PROK2: variants seen among roughly 807,000 people sequenced by gnomAD.
The protein encoded by PROK2 is prokineticin-2.
PROK2 carries 8 observed loss-of-function variants against 14.2 expected under a neutral mutation model. The observed-to-expected ratio is 0.56, with a 90% CI of 0.33 to 1.02. The LOEUF (loss-of-function observed/expected upper bound fraction) is 1.02, where lower values mean the gene tolerates loss of function less well. Ranked by LOEUF, PROK2 falls within the 50% of genes least tolerant of loss-of-function variation. The pLI is 0.03. For missense variants in PROK2, 154 were observed against 160.4 expected (o/e 0.96, Z 0.22); for synonymous variants, 59 against 60.7 (o/e 0.97, Z 0.13).
intron 2 of PROK2, among the ~76,000 whole-genome samples, chr3:71,778,602 A>T (rs2050138768): frequency 6.6e-6 from 1 of 152,220 alleles, no homozygotes; most frequent in Non-Finnish European, 1.5e-5. Flanking sequence ...TATAGGGTCT[A>T]CATTTTTACT....
chr3:71,783,256 T>C (rs1190854960), intron 1 of PROK2, among the ~76,000 whole-genome samples: 1 of 152,304 alleles, frequency 6.6e-6, no homozygotes, highest in South Asian at 2.1e-4. Flanking sequence ...CTATACACAA[T>C]GTATCTTGAT....
intron 2 of PROK2, among the ~76,000 whole-genome samples, chr3:71,775,937 A>G (rs2050114291): frequency 6.6e-6 from 1 of 152,138 alleles, no homozygotes; most frequent in Admixed American, 6.5e-5. Flanking sequence ...CTCAGATCCC[A>G]AGGCTCCCCT....
rs1441011272 is a variant in PROK2, at chr3:71,781,509, A to G, written c.180T>C (p.Pro60=). The part of the protein sequence containing the change: ...IWVKSIRICT[P]MGKLGDSCHP... ...GGCAGCTGTCTCCCAGTTTGCCCATAGGTGTGCAAATCCTTATGCTCTTGA... is the reference window on the plus strand; with the variant it reads ...GGCAGCTGTCTCCCAGTTTGCCCATGGGTGTGCAAATCCTTATGCTCTTGA... Residue 60 remains proline, a synonymous_variant, in exon 2 of 4, where the codon CCT becomes CCC. Transcript: ENST00000295619. The G allele has an allele frequency of 1.1e-5, 17 of 1,613,764 alleles. No homozygotes were observed. Among genetic ancestry groups the G allele is most frequent in the Non-Finnish European group, 1.4e-5 (17 of 1,179,752 alleles).
rs147852928 is a variant in PROK2, at chr3:71,783,668, G to A, written c.96+1289C>T. ...AGGGATCTTGGGCTCAGAGGATTAG[G>A]AGAAACTTTAAATGAGCCAGCAGGA... On this transcript the variant is annotated intron_variant, in intron 1 of 3. Transcript: ENST00000295619. 7.2e-3 allele frequency among the ~76,000 whole-genome samples: 1,103 copies of A among 152,238 alleles called. 7 individuals carry two copies. The highest frequency in any genetic ancestry group is 0.013 in the African/African-American group (550 of 41,532).
At chr3:71,777,978 G>A (rs563591083) in intron 2 of PROK2, among the ~76,000 whole-genome samples, 43 of 152,074 alleles carry the variant, frequency 2.8e-4, no homozygotes, top group African/African-American at 9.9e-4. Flanking sequence ...GGCAGATCAC[G>A]AGGTCAGGAG....
intron 3 of PROK2, among the ~76,000 whole-genome samples, chr3:71,774,110 A>T (rs1055913005): frequency 2.1e-4 from 32 of 152,184 alleles, no homozygotes; most frequent in African/African-American, 7.7e-4. Flanking sequence ...ATGGCAGAGG[A>T]TGTGTTCTTC....
intron 2 of PROK2, among the ~76,000 whole-genome samples, chr3:71,777,846 GT>G (rs2050131283): frequency 6.8e-6 from 1 of 147,366 alleles, no homozygotes; most frequent in Admixed American, 7.0e-5. Context: ...TTGTTGTTTT[GT>G]CTTTTTTTTT....
At chr3:71,783,525 A>G (rs1376684605) in intron 1 of PROK2, among the ~76,000 whole-genome samples, 2 of 152,226 alleles carry the variant, frequency 1.3e-5, no homozygotes, top group Non-Finnish European at 2.9e-5. Context: ...AGAGTTGCAT[A>G]GGTTTATATA....
At chr3:71,776,144 C>A (rs916764284) in intron 2 of PROK2, among the ~76,000 whole-genome samples, 1 of 152,064 alleles carries the variant, frequency 6.6e-6, no homozygotes, top group African/African-American at 2.4e-5. Context: ...TGTATTATTT[C>A]TTTAAATCAA....
intron 3 of PROK2, among the ~76,000 whole-genome samples, chr3:71,774,005 G>C (rs1270658528): frequency 6.6e-6 from 1 of 152,198 alleles, no homozygotes; most frequent in Non-Finnish European, 1.5e-5. Context: ...TGGAGCGTCT[G>C]TGAAATCAGA....
intron 2 of PROK2, among the ~76,000 whole-genome samples, chr3:71,779,138 G>A (rs953002891): frequency 3.9e-5 from 6 of 152,262 alleles, no homozygotes; most frequent in South Asian, 2.1e-4. Context: ...CAAAACTATC[G>A]GACGACACAA....
At chr3:71,778,027 C>G (rs1291990481) in intron 2 of PROK2, among the ~76,000 whole-genome samples, 1 of 151,926 alleles carries the variant, frequency 6.6e-6, no homozygotes, top group Non-Finnish European at 1.5e-5. Context: ...AACCCCGTCT[C>G]TACGAAAAAT....
At chr3:71,772,971 T>C in intron 3 of PROK2, 143 bp from the exon 4 acceptor site, 1 of 706,538 alleles carries the variant, frequency 1.4e-6, no homozygotes, top group African/African-American at 1.8e-5. Context: ...CTCAGTACTT[T>C]TTATTTATTT....
At chr3:71,780,433 A>G (rs575280683) in intron 2 of PROK2, among the ~76,000 whole-genome samples, 1 of 152,376 alleles carries the variant, frequency 6.6e-6, no homozygotes, top group African/African-American at 2.4e-5. Flanking sequence ...CACATGTGAA[A>G]AAATAAGACA....
At chr3:71,784,656 A>G (rs969190741) in intron 1 of PROK2, among the ~76,000 whole-genome samples, 1 of 152,224 alleles carries the variant, frequency 6.6e-6, no homozygotes, top group African/African-American at 2.4e-5. Context: ...AACAGAAGAA[A>G]AATGCGAGGA....
intron 1 of PROK2, among the ~76,000 whole-genome samples, chr3:71,782,534 A>G (rs1196007732): frequency 6.6e-6 from 1 of 152,224 alleles, no homozygotes; most frequent in Admixed American, 6.5e-5. Context: ...AAGAACTATT[A>G]TTCTTTCCTA....
chr3:71,773,923 C>A (rs943737903), intron 3 of PROK2, among the ~76,000 whole-genome samples: 1 of 152,140 alleles, frequency 6.6e-6, no homozygotes, highest in African/African-American at 2.4e-5. Flanking sequence ...ATTTTCCCTC[C>A]CCTAAGCAAT....
intron 2 of PROK2, 141 bp downstream of exon 2, chr3:71,781,326 G>A (rs929556243): frequency 4.8e-5 from 48 of 997,106 alleles, no homozygotes; most frequent in Non-Finnish European, 7.0e-5. Context: ...AGGAGAGGGG[G>A]TAGTTTTACA....
rs868109280 is a variant in PROK2, at chr3:71,774,498, C to A, written c.232G>T (p.Gly78Ter). 6.4e-7 allele frequency: 1 copy of A among 1,550,818 alleles called. No homozygotes were observed. The highest frequency in any genetic ancestry group is 1.2e-5 in the South Asian group (1 of 83,922). Reference protein sequence around the residue: ...CHPLTRKNNFGNGRQERRKRK... With the variant: ...CHPLTRKNNF ...TTTCTTCTTTCCTGCCTTCCATTTC[C>A]AAAATTGTTCTGGAAGGGCCAGGGA... The change falls in exon 3 of 4, where the codon GGA (glycine) becomes TGA (stop). Residue 78 changes from glycine to a stop codon, truncating the protein, a stop_gained. Coordinates refer to ENST00000295619, the MANE Select transcript of PROK2 (RefSeq NM_001126128.2). LOFTEE classifies it high-confidence loss of function.
Sources: allele counts gnomAD v4.1 joint callset (sites outside exome capture counted in the v4.1 genomes callset), GRCh38; gene constraint gnomAD v4.1.1; transcripts MANE v1.5; gene names NCBI Gene and HGNC (gene_info 2026-07-23, HGNC 2026-07-21).